The following DENND5B variants were observed in gnomAD, a reference collection of about 807,000 sequenced individuals.
The protein encoded by DENND5B is DENN domain containing 5B, also known as DENN domain-containing protein 5B.
A neutral mutation model predicts 140.6 loss-of-function variants in DENND5B; 34 were observed. The observed-to-expected ratio is 0.24, with a 90% CI of 0.18 to 0.32. DENND5B has a LOEUF of 0.32. DENND5B is among the 10% of genes least tolerant of loss of function. The pLI is 1.00. For synonymous variants in DENND5B, 551 were observed against 562.1 expected (o/e 0.98, Z 0.28); for missense variants, 1,142 against 1,560.2 (o/e 0.73, Z 4.52).
At chr12:31,476,523 G>A (rs1223928678) in intron 3 of DENND5B, among the ~76,000 whole-genome samples, 7 of 151,198 alleles carry the variant, frequency 4.6e-5, no homozygotes, top group African/African-American at 1.7e-4. Context: ...ATAGAGATGT[G>A]GCAACTGTCA....
chr12:31,426,531 T>C (rs375442721), intron 8 of DENND5B, 107 bp from the exon 9 acceptor site: 1 of 1,268,756 alleles, frequency 7.9e-7, no homozygotes, highest in South Asian at 1.5e-5. Flanking sequence ...AAAAAGTCCG[T>C]AAGTGTATGT....
intron 1 of DENND5B, among the ~76,000 whole-genome samples, chr12:31,522,188 C>T (rs1189630321): frequency 2.0e-5 from 3 of 152,198 alleles, no homozygotes; most frequent in Non-Finnish European, 4.4e-5. Context: ...CCATCTCCCA[C>T]TAGGGAGAGT....
intron 6 of DENND5B, among the ~76,000 whole-genome samples, chr12:31,446,678 G>A (rs908874134): frequency 2.1e-4 from 31 of 150,172 alleles, no homozygotes; most frequent in African/African-American, 7.4e-4. Flanking sequence ...GGGCGATCAC[G>A]AGGTCGGGAG....
At chr12:31,570,785 T>C (rs981838086) in intron 1 of DENND5B, among the ~76,000 whole-genome samples, 1 of 152,026 alleles carries the variant, frequency 6.6e-6, no homozygotes, top group African/African-American at 2.4e-5. Context: ...TGTCCCTTCT[T>C]AGGTTATACC....
At chr12:31,511,553 A>T (rs66810569) in intron 1 of DENND5B, among the ~76,000 whole-genome samples, 3,616 of 35,884 alleles carry the variant, frequency 0.1, 127 homozygotes, top group African/African-American at 0.24. Context: ...TTTTTTTTTT[A>T]ACAGAGATAG....
Position 31,452,181 on chromosome 12 carries a change from C to A in DENND5B, c.1388G>T (p.Arg463Leu). 2 of 1,613,974 alleles carry A rather than the reference C, an allele frequency of 1.2e-6. No homozygotes were observed. The highest frequency in any genetic ancestry group is 1.7e-6 in the Non-Finnish European group (2 of 1,179,888). Residue 463 changes from arginine (R) to leucine (L), a missense_variant, in exon 5 of 21, where the codon CGT (arginine) becomes CTT (leucine). By Grantham distance (102) the Arg-to-Leu change is moderately radical. Transcript: ENST00000389082. ...TIARLQALAK[R>L]TGVAVEKMDL... Reference sequence around the variant, plus strand: ...CATTTTTTCCACAGCCACACCAGTACGCTTGGCCAGAGCCTGCAAGCGGGC... The same window carrying A: ...CATTTTTTCCACAGCCACACCAGTAAGCTTGGCCAGAGCCTGCAAGCGGGC...
In DENND5B at chr12:31,590,784, C is replaced by G; in HGVS notation, c.49G>C (p.Ala17Pro). ...APGPGSGSSP[A>P]ACRFAHYFVL... ...AAGTAGTGCGCGAAGCGGCAGGCGG[C>G]CGGGGAGGAGCCCGAGCCCGGGCCG... is the stretch of plus-strand genomic sequence containing the variant. The change falls in exon 1 of 21, where the codon GCC becomes CCC. Residue 17 changes from alanine to proline, a missense_variant. Around this residue, in one of 5 missense-constraint regions of DENND5B, gnomAD observed 708 missense variants for 905.5 expected, o/e 0.78. Transcript: ENST00000389082. The G allele has an allele frequency of 7.3e-7, 1 of 1,372,090 alleles. No individual in the cohort carries two copies. Among genetic ancestry groups the G allele is most frequent in the Non-Finnish European group, 9.4e-7 (1 of 1,060,914 alleles). 85.0% of individuals were successfully genotyped at this position (1,372,090 alleles called of 1,614,324 possible).
intron 4 of DENND5B, among the ~76,000 whole-genome samples, chr12:31,455,031 A>G (rs1297207793): frequency 6.6e-6 from 1 of 151,782 alleles, no homozygotes; most frequent in African/African-American, 2.4e-5. Flanking sequence ...CGTGTTAGCC[A>G]GGATGGTCTC....
At chr12:31,540,181 C>T (rs573756937) in intron 1 of DENND5B, among the ~76,000 whole-genome samples, 83 of 152,176 alleles carry the variant, frequency 5.5e-4, no homozygotes, top group Middle Eastern at 3.4e-3. Flanking sequence ...AAAGTCCCTA[C>T]AATGAAAACT....
chr12:31,431,867 G>T (rs1220727473), intron 8 of DENND5B, among the ~76,000 whole-genome samples: 1 of 152,114 alleles, frequency 6.6e-6, no homozygotes, highest in South Asian at 2.1e-4. Context: ...CACAAACACA[G>T]AAAGGGACTA....
chr12:31,485,770 T>C (rs1946282513), intron 2 of DENND5B, among the ~76,000 whole-genome samples: 1 of 150,166 alleles, frequency 6.7e-6, no homozygotes, highest in African/African-American at 2.4e-5. Context: ...TCTGGTAACC[T>C]GGTAACACAC....
intron 3 of DENND5B, among the ~76,000 whole-genome samples, chr12:31,474,429 A>G (rs962204581): frequency 5.3e-5 from 8 of 152,236 alleles, no homozygotes; most frequent in Admixed American, 3.3e-4. Context: ...CTGGGGTCCT[A>G]GAAAAGAGCC....
intron 11 of DENND5B, among the ~76,000 whole-genome samples, chr12:31,418,274 TTTC>T (rs1385274504): frequency 1.2e-4 from 12 of 97,586 alleles, no homozygotes; most frequent in Non-Finnish European, 2.3e-4. Context: ...CATATCTTTT[TTTC>T]TTTTCTTTTT....
At chr12:31,433,942 C>T (rs1279630045) in intron 7 of DENND5B, among the ~76,000 whole-genome samples, 1 of 152,166 alleles carries the variant, frequency 6.6e-6, no homozygotes, top group South Asian at 2.1e-4. Context: ...CCGCAGTGTG[C>T]CACGACTGCA....
At chr12:31,553,923 T>C (rs1414043763) in intron 1 of DENND5B, among the ~76,000 whole-genome samples, 1 of 152,200 alleles carries the variant, frequency 6.6e-6, no homozygotes, top group Non-Finnish European at 1.5e-5. Context: ...TTGGTAGATC[T>C]TCCTCCATCC....
chr12:31,442,987 T>G, intron 6 of DENND5B, 62 bp from the exon 7 acceptor site: 1 of 1,455,846 alleles, frequency 6.9e-7, no homozygotes, highest in Non-Finnish European at 9.3e-7. Context: ...AAAATAATGC[T>G]TCCTCCACTC....
intron 1 of DENND5B, among the ~76,000 whole-genome samples, chr12:31,578,937 A>C (rs1029686571): frequency 6.6e-6 from 1 of 152,250 alleles, no homozygotes; most frequent in Admixed American, 6.5e-5. Flanking sequence ...TAGCGTTTAT[A>C]AATCACCAAC....
In DENND5B at chr12:31,499,398, C is replaced by T. The variant is rs149928430; in HGVS notation, c.128-3479G>A. ...AAGTAGGAAATATCTGCCAAGAGAG[C>T]TTAAAGACTACTGAATACATGTTTT... On this transcript the variant is annotated intron_variant, in intron 1 of 20. Coordinates refer to ENST00000389082, the MANE Select transcript of DENND5B (RefSeq NM_144973.4). Among the ~76,000 whole-genome samples, 474 of 152,266 alleles carry T rather than the reference C, an allele frequency of 3.1e-3. 4 individuals carry two copies. Among genetic ancestry groups the T allele is most frequent in the African/African-American group, 0.011 (440 of 41,550 alleles).
chr12:31,399,933 G>A (rs956442429), intron 15 of DENND5B, among the ~76,000 whole-genome samples, 161 bp from the exon 16 acceptor site: 18 of 152,118 alleles, frequency 1.2e-4, no homozygotes, highest in African/African-American at 4.1e-4. Flanking sequence ...TATATTCCTT[G>A]CTCTCAGGGA....
Sources: gnomAD v4.1 joint callset for allele counts (sites outside exome capture counted in the v4.1 genomes callset) on GRCh38, gnomAD v4.1.1 for gene constraint, gnomAD v4.1.1 regional missense constraint, MANE v1.5 for transcripts, NCBI Gene and HGNC (gene_info 2026-07-23, HGNC 2026-07-21) for gene names.